The following RIMBP2 variants were observed in gnomAD, a reference collection of about 807,000 sequenced individuals.
RIMBP2 encodes RIMS-binding protein 2.
A neutral mutation model predicts 118.6 loss-of-function variants in RIMBP2; 48 were observed. That is an observed-to-expected ratio of 0.40 (90% CI 0.32 to 0.51). The LOEUF is 0.51. RIMBP2 is among the 20% of genes least tolerant of loss of function. RIMBP2 has a pLI of 0.41. For missense variants in RIMBP2, 1,551 were observed against 1,768.3 expected, an observed-to-expected ratio of 0.88 and a Z score of 2.20; for synonymous variants, 762 against 742.9, an observed-to-expected ratio of 1.03 and a Z score of -0.42.
chr12:130,664,415 A>ACACGCACACACACGCACG (rs1555320883), intron 1 of RIMBP2, among the ~76,000 whole-genome samples: 1,601 of 130,358 alleles, frequency 0.012, 40 homozygotes, highest in Admixed American at 0.039. Flanking sequence ...ACGCACGCAC[A>ACACGCACACACACGCACG]CACACGCACA....
At chr12:130,653,093 A>G (rs1184694438) in intron 1 of RIMBP2, among the ~76,000 whole-genome samples, 1 of 152,174 alleles carries the variant, frequency 6.6e-6, no homozygotes, top group Non-Finnish European at 1.5e-5. Context: ...ATTGCAAAAT[A>G]CAATCATGCC....
At chr12:130,490,808 G>A (rs2048569145) in intron 4 of RIMBP2, among the ~76,000 whole-genome samples, 1 of 152,118 alleles carries the variant, frequency 6.6e-6, no homozygotes, top group Non-Finnish European at 1.5e-5. Context: ...TCGGCTTACC[G>A]GCCAGTCCAC....
Position 130,412,698 on chromosome 12 carries a change from T to C in RIMBP2, c.3510A>G (p.Ile1170Met), listed in dbSNP as rs748376995. ...CCATCATCTCCTCATCATCTGCTTG[T>C]ATCTCAGAGACCATGTTACAAGGAA... Reference protein sequence around the residue: ...GLIPCNMVSEIQADDEEMMDQ... With the variant: ...GLIPCNMVSEMQADDEEMMDQ... The change falls in exon 19 of 23, where the codon ATA becomes ATG. Residue 1170 changes from isoleucine to methionine, a missense_variant. Ile to Met is a conservative substitution (Grantham distance 10). Coordinates refer to ENST00000690449, the MANE Select transcript of RIMBP2 (RefSeq NM_001393629.1). 1 of 1,613,816 alleles carries C rather than the reference T, an allele frequency of 6.2e-7. No individual in the cohort carries two copies. Among genetic ancestry groups the C allele is most frequent in the Admixed American group, 1.7e-5 (1 of 59,980 alleles).
chr12:130,561,788 C>A, intron 2 of RIMBP2, among the ~76,000 whole-genome samples: 1 of 152,116 alleles, frequency 6.6e-6, no homozygotes, highest in East Asian at 1.9e-4. Flanking sequence ...AGTTTTCAAA[C>A]TCTCCTTTAA....
intron 2 of RIMBP2, among the ~76,000 whole-genome samples, chr12:130,605,558 A>G (rs1320704652): frequency 6.6e-6 from 1 of 152,210 alleles, no homozygotes; most frequent in Non-Finnish European, 1.5e-5. Flanking sequence ...GGTTGTGTAG[A>G]AAATAATTTT....
At chr12:130,699,495 G>A (rs984684231) in intron 1 of RIMBP2, among the ~76,000 whole-genome samples, 29 of 146,406 alleles carry the variant, frequency 2.0e-4, no homozygotes, top group Non-Finnish European at 3.1e-4. Flanking sequence ...ACCAAACGCC[G>A]CATGTTCTCA....
At chr12:130,595,528 C>T (rs1205948052) in intron 2 of RIMBP2, among the ~76,000 whole-genome samples, 7 of 151,942 alleles carry the variant, frequency 4.6e-5, no homozygotes, top group Non-Finnish European at 5.9e-5. Context: ...CCAGCCTGGG[C>T]GACAGCGCAA....
At chr12:130,406,790 G>GT (rs2075221830) in intron 20 of RIMBP2, among the ~76,000 whole-genome samples, 1 of 152,158 alleles carries the variant, frequency 6.6e-6, no homozygotes, top group Non-Finnish European at 1.5e-5. Context: ...GGGACTACAG[G>GT]TGTGTGCCAC....
intron 1 of RIMBP2, among the ~76,000 whole-genome samples, chr12:130,645,018 A>T (rs2062791861): frequency 6.6e-6 from 1 of 152,222 alleles, no homozygotes; most frequent in Non-Finnish European, 1.5e-5. Context: ...CCCGTTGTTA[A>T]GTCACAGGTA....
chr12:130,666,868 G>A (rs1241754142), intron 1 of RIMBP2, among the ~76,000 whole-genome samples: 1 of 135,990 alleles, frequency 7.4e-6, no homozygotes, highest in Non-Finnish European at 1.6e-5. Flanking sequence ...AGGAGGGAGG[G>A]AGAGAAGGAA....
At chr12:130,604,808 T>C (rs913341604) in intron 2 of RIMBP2, among the ~76,000 whole-genome samples, 16 of 139,234 alleles carry the variant, frequency 1.1e-4, no homozygotes, top group African/African-American at 4.3e-4. Context: ...GGTCTTGATC[T>C]CCTGACCTCG....
At chr12:130,624,126 G>A (rs2061483084) in intron 2 of RIMBP2, among the ~76,000 whole-genome samples, 1 of 152,226 alleles carries the variant, frequency 6.6e-6, no homozygotes, top group South Asian at 2.1e-4. Flanking sequence ...CTGAGGTTGG[G>A]TGCCAATGTA....
At chr12:130,415,310 T>C (rs993892240) in intron 17 of RIMBP2, among the ~76,000 whole-genome samples, 22 of 152,152 alleles carry the variant, frequency 1.4e-4, no homozygotes, top group Middle Eastern at 3.2e-3. Context: ...CATATGATTA[T>C]CTCAATAGTG....
intron 2 of RIMBP2, among the ~76,000 whole-genome samples, chr12:130,569,866 G>A (rs1388042321): frequency 1.3e-5 from 2 of 152,074 alleles, no homozygotes; most frequent in Non-Finnish European, 2.9e-5. Context: ...ACAGTAATAC[G>A]TATATGGCCT....
At chr12:130,694,570 C>T (rs940991108) in intron 1 of RIMBP2, among the ~76,000 whole-genome samples, 6 of 152,164 alleles carry the variant, frequency 3.9e-5, no homozygotes, top group Non-Finnish European at 7.4e-5. Context: ...AAGGCCTTCT[C>T]GGGACTGCTC....
intron 2 of RIMBP2, among the ~76,000 whole-genome samples, chr12:130,563,963 T>TC (rs372999769): frequency 0.35 from 53,125 of 151,638 alleles, 10,266 homozygotes; most frequent in East Asian, 0.53. Flanking sequence ...TGCTGCTACA[T>TC]TTTCCCCTCG....
rs1319379438 is a variant in RIMBP2 at position 130,623,256 on chromosome 12, ATTTTAC to A, written c.-217+5060_-217+5065del. On this transcript the variant is annotated intron_variant, in intron 2 of 22. Transcript: ENST00000690449. This position sits in a 1 kb window ranked among gnomAD's most constrained non-coding sequence, Gnocchi z 4.1. ...CACTTATACAAATAGAAGCACTTTT[ATTTTAC>A]TTTAAGTTCTTGGCTACATGTGCAG... Among the ~76,000 whole-genome samples, 1 of 152,206 alleles carries A rather than the reference ATTTTAC, an allele frequency of 6.6e-6. No individual in the cohort carries two copies. Among genetic ancestry groups the A allele is most frequent in the African/African-American group, 2.4e-5 (1 of 41,522 alleles).
intron 2 of RIMBP2, among the ~76,000 whole-genome samples, chr12:130,603,120 C>T (rs1675003556): frequency 6.6e-6 from 1 of 152,152 alleles, no homozygotes; most frequent in African/African-American, 2.4e-5. Context: ...ACTCAAGTGG[C>T]AAATGAGCAC....
chr12:130,583,104 A>G (rs1434220865), intron 2 of RIMBP2, among the ~76,000 whole-genome samples: 1 of 152,184 alleles, frequency 6.6e-6, no homozygotes, highest in Non-Finnish European at 1.5e-5. Flanking sequence ...GCCACCATCA[A>G]TGAGAGGTGC....
Sources: gnomAD v4.1 joint callset for allele counts (sites outside exome capture counted in the v4.1 genomes callset) on GRCh38, gnomAD v4.1.1 for gene constraint, Gnocchi (gnomAD v3.1) non-coding constraint, MANE v1.5 for transcripts, NCBI Gene and HGNC (gene_info 2026-07-23, HGNC 2026-07-21) for gene names.